KLF15: variants seen among roughly 807,000 people sequenced by gnomAD.
KLF15 encodes Krueppel-like factor 15.
In KLF15, 4 loss-of-function variants were observed where a neutral mutation model predicts 24.6. The observed-to-expected ratio is 0.16, with a 90% CI of 0.08 to 0.37. The LOEUF is 0.37. KLF15 is among the 10% of genes least tolerant of loss of function. The probability of loss-of-function intolerance (pLI) is 1.00; values close to 1 mark genes in which losing one functional copy is unlikely to be tolerated. For missense variants in KLF15, 496 were observed against 560.6 expected (o/e 0.88, Z 1.16); for synonymous variants, 246 against 236.3 (o/e 1.04, Z -0.37).
At chr3:126,317,351 T>C in the KLF15 span, among the ~76,000 whole-genome samples, 8 of 152,120 alleles carry the variant, frequency 5.3e-5, no homozygotes, top group Admixed American at 3.3e-4. Context: ...ACACTGTCTT[T>C]CCAAAATAAT....
Position 126,351,984 on chromosome 3 carries a change from T to C in KLF15, c.939A>G (p.Pro313=). 1.3e-6 allele frequency: 2 copies of C among 1,588,372 alleles called. No homozygotes were observed. The highest frequency in any genetic ancestry group is 1.7e-6 in the Non-Finnish European group (2 of 1,167,362). The change falls in exon 2 of 3, where the codon CCA becomes CCG. Residue 313 remains proline, a synonymous_variant. Coordinates refer to ENST00000296233, the MANE Select transcript of KLF15 (RefSeq NM_014079.4). The stretch of plus-strand genomic sequence containing the variant: ...TGTGCATTTTGATGAGTTCTGCGGC[T>C]GGGTTCTTGGGGAACTTCTGGCCCA... ...LLMGQKFPKN[P]AAELIKMHKC... is the part of the protein sequence containing the mutation.
chr3:126,303,656 G>C, the KLF15 span, among the ~76,000 whole-genome samples: 3 of 150,802 alleles, frequency 2.0e-5, no homozygotes, highest in East Asian at 5.8e-4. Context: ...TGATATTCTT[G>C]CATCTGTAGA....
the KLF15 span, among the ~76,000 whole-genome samples, chr3:126,330,638 A>C: frequency 1.3e-5 from 2 of 151,966 alleles, no homozygotes; most frequent in African/African-American, 4.8e-5. Context: ...TGTGAATATA[A>C]GTGTGTCCTA....
the KLF15 span, among the ~76,000 whole-genome samples, chr3:126,305,846 G>C: frequency 6.6e-6 from 1 of 152,252 alleles, no homozygotes; most frequent in South Asian, 2.1e-4. Context: ...GAAAGAAGAA[G>C]GAAGAAGAGA....
chr3:126,342,615 A>C (rs556878672), downstream of KLF15: 6 of 152,620 alleles, frequency 3.9e-5, no homozygotes, highest in Admixed American at 2.0e-4. Flanking sequence ...GCAGGAAAAC[A>C]GCACATGAAT....
chr3:126,343,938 C>A, intron 2 of KLF15, 43 bp from the exon 3 acceptor site: 1 of 1,514,372 alleles, frequency 6.6e-7, no homozygotes. Flanking sequence ...CCCTGCCTGC[C>A]CCTGCCTGCC....
intron 2 of KLF15, among the ~76,000 whole-genome samples, chr3:126,346,651 C>T (rs2082537686): frequency 6.6e-6 from 1 of 152,148 alleles, no homozygotes; most frequent in Admixed American, 6.5e-5. Flanking sequence ...CACCTGAATT[C>T]CCTCCCTGCT....
the KLF15 span, among the ~76,000 whole-genome samples, chr3:126,290,512 C>CTTCCTTCA: frequency 1.3e-5 from 2 of 149,172 alleles, no homozygotes; most frequent in Non-Finnish European, 3.0e-5. Flanking sequence ...TCCTACCTTC[C>CTTCCTTCA]TTCCTTCCTT....
chr3:126,355,541 CT>C (rs2082623956), intron 1 of KLF15, among the ~76,000 whole-genome samples: 1 of 152,236 alleles, frequency 6.6e-6, no homozygotes, highest in Non-Finnish European at 1.5e-5. Context: ...CAGGCCCACT[CT>C]GTTACATCAT....
At chr3:126,296,460 GC>G in the KLF15 span, among the ~76,000 whole-genome samples, 2 of 152,228 alleles carry the variant, frequency 1.3e-5, no homozygotes, top group African/African-American at 4.8e-5. Context: ...ACCCGCCTTG[GC>G]CTCCCAAAGT....
At chr3:126,317,596 C>A in the KLF15 span, among the ~76,000 whole-genome samples, 1 of 152,062 alleles carries the variant, frequency 6.6e-6, no homozygotes, top group Non-Finnish European at 1.5e-5. Context: ...AAACACACTG[C>A]GCACCCCGGA....
At chr3:126,314,999 AAAC>A in the KLF15 span, among the ~76,000 whole-genome samples, 1 of 152,164 alleles carries the variant, frequency 6.6e-6, no homozygotes, top group Non-Finnish European at 1.5e-5. Flanking sequence ...GTCCAGGATG[AAAC>A]TGCGGCCAGG....
intron 2 of KLF15, among the ~76,000 whole-genome samples, chr3:126,348,920 G>A (rs2082559391): frequency 1.3e-5 from 2 of 152,148 alleles, no homozygotes; most frequent in African/African-American, 2.4e-5. Context: ...AATAGTGGGC[G>A]GAGGGGATTC....
the KLF15 span, among the ~76,000 whole-genome samples, chr3:126,302,742 A>G: frequency 1.3e-5 from 2 of 152,132 alleles, no homozygotes; most frequent in Non-Finnish European, 2.9e-5. Context: ...GTGTGTTAGC[A>G]TGGTATATCT....
At chr3:126,310,887 A>G in the KLF15 span, among the ~76,000 whole-genome samples, 5 of 151,872 alleles carry the variant, frequency 3.3e-5, no homozygotes, top group African/African-American at 1.2e-4. Flanking sequence ...GCTTCCACAC[A>G]CTCTCAAGCC....
At chr3:126,333,721 A>G in the KLF15 span, among the ~76,000 whole-genome samples, 15 of 140,508 alleles carry the variant, frequency 1.1e-4, no homozygotes, top group African/African-American at 4.1e-4. Flanking sequence ...AAAAGGATGG[A>G]GGAAGATCTA....
the KLF15 span, among the ~76,000 whole-genome samples, chr3:126,301,179 C>A: frequency 6.6e-6 from 1 of 152,200 alleles, no homozygotes; most frequent in Non-Finnish European, 1.5e-5. Context: ...CAAAATGTAC[C>A]CATGCAGGGT....
downstream of KLF15, chr3:126,342,569 G>GA (rs1462172534): frequency 1.3e-5 from 2 of 152,684 alleles, no homozygotes; most frequent in East Asian, 3.9e-4. Flanking sequence ...TGGAGACATA[G>GA]ACTCGGCCCC....
the KLF15 span, among the ~76,000 whole-genome samples, chr3:126,316,161 GA>G: frequency 3.3e-4 from 50 of 152,340 alleles, no homozygotes; most frequent in African/African-American, 1.1e-3. Context: ...CCCTTCACAA[GA>G]AAAAGCCAGA....
Sources: allele counts gnomAD v4.1 joint callset (sites outside exome capture counted in the v4.1 genomes callset), GRCh38; gene constraint gnomAD v4.1.1; transcripts MANE v1.5; gene names NCBI Gene and HGNC (gene_info 2026-07-23, HGNC 2026-07-21).